SYNDIG1: variants seen among roughly 807,000 people sequenced by gnomAD.
SYNDIG1 encodes synapse differentiation inducing 1, also known as synapse differentiation-inducing gene protein 1.
In SYNDIG1, 9 loss-of-function variants were observed where a neutral mutation model predicts 19.4. The observed-to-expected ratio is 0.46, with a 90% CI of 0.28 to 0.81. SYNDIG1 has a LOEUF of 0.81. SYNDIG1 is among the 30% of genes least tolerant of loss of function. SYNDIG1 has a pLI of 0.12. For synonymous variants in SYNDIG1, 141 were observed against 145.9 expected, an observed-to-expected ratio of 0.97 and a Z score of 0.24; for missense variants, 311 against 343.3, an observed-to-expected ratio of 0.91 and a Z score of 0.74.
At chr20:24,476,691 CAAAAAAAACA>C (rs1275220883) in intron 1 of SYNDIG1, among the ~76,000 whole-genome samples, 1 of 150,942 alleles carries the variant, frequency 6.6e-6, no homozygotes, top group Non-Finnish European at 1.5e-5. Context: ...AACAAACAAA[CAAAAAAAACA>C]AAAAAAAACT....
At chr20:24,513,713 C>G (rs1156240708) in intron 1 of SYNDIG1, among the ~76,000 whole-genome samples, 1 of 152,148 alleles carries the variant, frequency 6.6e-6, no homozygotes, top group Non-Finnish European at 1.5e-5. Flanking sequence ...AGGATATTAT[C>G]CAGGATAACT....
At chr20:24,649,746 C>G (rs2147363629) in intron 3 of SYNDIG1, among the ~76,000 whole-genome samples, 1 of 152,286 alleles carries the variant, frequency 6.6e-6, no homozygotes, top group African/African-American at 2.4e-5. Context: ...AGTGAATTAC[C>G]CATGGACTAC....
chr20:24,547,439 A>T (rs2057602394), intron 2 of SYNDIG1, among the ~76,000 whole-genome samples: 1 of 152,188 alleles, frequency 6.6e-6, no homozygotes, highest in South Asian at 2.1e-4. Context: ...GCAAGTGTTT[A>T]TGATCTGTCC....
At position 24,665,404 on chromosome 20, in the gene SYNDIG1, C is replaced by T. The variant is rs1303575353; in HGVS notation, c.677C>T (p.Ala226Val). Residue 226 changes from alanine (A) to valine (V), a missense_variant, in exon 4 of 4, where the codon GCC (alanine) becomes GTC (valine). Ala to Val is a moderately conservative substitution (Grantham distance 64). Transcript: ENST00000376862. ...CAGGCCAGCACCAGCTCCCGGCGGG[C>T]CCTATTCCTGGCAGTGCTGTCCATC... ...LHQASTSSRRALFLAVLSITI... is the reference protein window; with the variant it reads ...LHQASTSSRRVLFLAVLSITI... 1 of 1,612,792 alleles carries T rather than the reference C, an allele frequency of 6.2e-7. No individual in the cohort carries two copies. Among genetic ancestry groups the T allele is most frequent in the Non-Finnish European group, 8.5e-7 (1 of 1,179,606 alleles).
intron 3 of SYNDIG1, among the ~76,000 whole-genome samples, chr20:24,634,200 A>G (rs1292777570): frequency 6.6e-6 from 1 of 152,240 alleles, no homozygotes; most frequent in East Asian, 1.9e-4. Flanking sequence ...GTAGAAGACC[A>G]TCAAAGTGCA....
At chr20:24,626,786 A>G (rs1258784684) in intron 3 of SYNDIG1, among the ~76,000 whole-genome samples, 1 of 152,250 alleles carries the variant, frequency 6.6e-6, no homozygotes, top group African/African-American at 2.4e-5. Context: ...CCTGGGCACC[A>G]TTGAGCACTG....
chr20:24,659,810 T>A (rs1351657854), intron 3 of SYNDIG1, among the ~76,000 whole-genome samples: 1 of 152,246 alleles, frequency 6.6e-6, no homozygotes, highest in Non-Finnish European at 1.5e-5. Context: ...ACTTTTCTTC[T>A]CTGGTTTTGG....
chr20:24,571,975 A>C (rs2058152078), intron 2 of SYNDIG1, among the ~76,000 whole-genome samples: 1 of 152,244 alleles, frequency 6.6e-6, no homozygotes, highest in African/African-American at 2.4e-5. Flanking sequence ...TATCCAGAGA[A>C]GGAGATGCCA....
chr20:24,477,640 G>T (rs2055672338), intron 1 of SYNDIG1, among the ~76,000 whole-genome samples: 1 of 152,200 alleles, frequency 6.6e-6, no homozygotes, highest in Admixed American at 6.5e-5. Context: ...TGATTGCAAT[G>T]CCCTGGATAC....
chr20:24,483,687 T>C (rs1208824728), intron 1 of SYNDIG1, among the ~76,000 whole-genome samples: 5 of 151,948 alleles, frequency 3.3e-5, no homozygotes, highest in Non-Finnish European at 5.9e-5. Flanking sequence ...CCCACAGCAG[T>C]GGATATGTTT....
At chr20:24,648,333 G>T (rs1312573110) in intron 3 of SYNDIG1, among the ~76,000 whole-genome samples, 1 of 152,158 alleles carries the variant, frequency 6.6e-6, no homozygotes, top group Non-Finnish European at 1.5e-5. Flanking sequence ...TGCCCTGCAG[G>T]GTGTGTCCTG....
At chr20:24,513,259 A>G (rs572573647) in intron 1 of SYNDIG1, among the ~76,000 whole-genome samples, 1 of 152,358 alleles carries the variant, frequency 6.6e-6, no homozygotes, top group South Asian at 2.1e-4. Flanking sequence ...CCAGCAATGG[A>G]AAAAAGCTGG....
chr20:24,640,131 C>T (rs1033758447), intron 3 of SYNDIG1, among the ~76,000 whole-genome samples: 4 of 151,934 alleles, frequency 2.6e-5, no homozygotes, highest in African/African-American at 9.7e-5. Flanking sequence ...GTCAGGAGTT[C>T]GAGACTAGCC....
intron 1 of SYNDIG1, among the ~76,000 whole-genome samples, chr20:24,516,042 ACAAC>A: frequency 6.6e-6 from 1 of 152,202 alleles, no homozygotes; most frequent in Non-Finnish European, 1.5e-5. Context: ...CCACACATCT[ACAAC>A]CATCTGATCT....
intron 1 of SYNDIG1, among the ~76,000 whole-genome samples, chr20:24,501,677 A>G (rs896681644): frequency 1.3e-5 from 2 of 152,172 alleles, no homozygotes; most frequent in African/African-American, 4.8e-5. Flanking sequence ...TAGAATGTCC[A>G]TGTCACAGGG....
chr20:24,645,700 A>T (rs1195939219), intron 3 of SYNDIG1, among the ~76,000 whole-genome samples: 1 of 152,238 alleles, frequency 6.6e-6, no homozygotes, highest in East Asian at 1.9e-4. Flanking sequence ...ACCTGGGCTG[A>T]GAGAGGCGGA....
At chr20:24,636,745 C>T (rs925160385) in intron 3 of SYNDIG1, among the ~76,000 whole-genome samples, 1 of 152,210 alleles carries the variant, frequency 6.6e-6, no homozygotes, top group East Asian at 1.9e-4. Flanking sequence ...TCTATGTCTG[C>T]AGCTCAATTT....
intron 3 of SYNDIG1, among the ~76,000 whole-genome samples, chr20:24,621,007 C>A (rs2059029568): frequency 6.6e-6 from 1 of 152,160 alleles, no homozygotes; most frequent in African/African-American, 2.4e-5. Flanking sequence ...AACACATTAC[C>A]TGATGGAGAT....
chr20:24,563,220 A>C (rs1173640760), intron 2 of SYNDIG1, among the ~76,000 whole-genome samples: 1 of 152,080 alleles, frequency 6.6e-6, no homozygotes, highest in Non-Finnish European at 1.5e-5. Context: ...CACTTTGGTA[A>C]CTCTCTAATA....
Sources: allele counts gnomAD v4.1 joint callset (sites outside exome capture counted in the v4.1 genomes callset), GRCh38; gene constraint gnomAD v4.1.1; transcripts MANE v1.5; gene names NCBI Gene and HGNC (gene_info 2026-07-23, HGNC 2026-07-21).